Variants in DDHD1 observed in about 807,000 individuals in gnomAD.
DDHD1 encodes the protein phospholipase DDHD1.
A neutral mutation model predicts 96.4 loss-of-function variants in DDHD1; 49 were observed. That is an observed-to-expected ratio of 0.51 (90% confidence interval 0.40 to 0.64). DDHD1 has a LOEUF of 0.64. Ranked by LOEUF, DDHD1 falls within the 30% of genes least tolerant of loss-of-function variation. DDHD1 has a pLI of 0.00. For synonymous variants in DDHD1, 442 were observed against 446.5 expected, an observed-to-expected ratio of 0.99 and a Z score of 0.13; for missense variants, 1,106 against 1,161.2, an observed-to-expected ratio of 0.95 and a Z score of 0.69.
chr14:53,052,801 T>C (rs773944354), intron 11 of DDHD1: 1 of 151,952 alleles, frequency 6.6e-6, no homozygotes, highest in African/African-American at 2.4e-5. Context: ...TTGAGTCTTG[T>C]TGACTATTTT....
chr14:53,068,588 A>C (rs941826867), intron 6 of DDHD1, among the ~76,000 whole-genome samples: 2 of 152,046 alleles, frequency 1.3e-5, no homozygotes, highest in African/African-American at 4.8e-5. Context: ...TCTCATTGCT[A>C]CTTTTTATTA....
At chr14:53,100,735 T>C (rs1158983894) in intron 2 of DDHD1, among the ~76,000 whole-genome samples, 2 of 152,232 alleles carry the variant, frequency 1.3e-5, no homozygotes, top group Non-Finnish European at 2.9e-5. Flanking sequence ...ATTAGTTTCT[T>C]TGATATTCCC....
At chr14:53,126,344 A>G (rs1010190615) in intron 1 of DDHD1, among the ~76,000 whole-genome samples, 1 of 152,194 alleles carries the variant, frequency 6.6e-6, no homozygotes, top group Non-Finnish European at 1.5e-5. Context: ...TAATACATCT[A>G]AATGTAGTGT....
At chr14:53,087,667 T>C (rs1033188310) in intron 4 of DDHD1, among the ~76,000 whole-genome samples, 5 of 152,076 alleles carry the variant, frequency 3.3e-5, no homozygotes, top group Admixed American at 6.5e-5. Context: ...AAGCAGTGTA[T>C]AGAGGAAAAT....
intron 1 of DDHD1, among the ~76,000 whole-genome samples, chr14:53,108,666 G>C (rs1053313440): frequency 5.3e-5 from 8 of 152,224 alleles, no homozygotes; most frequent in African/African-American, 1.9e-4. Flanking sequence ...TGCAGAAAGC[G>C]AAACCACAGC....
At chr14:53,061,894 C>T (rs1360722238) in intron 7 of DDHD1, among the ~76,000 whole-genome samples, 2 of 151,856 alleles carry the variant, frequency 1.3e-5, no homozygotes, top group East Asian at 1.9e-4. Context: ...ATGAGCCGGG[C>T]GTGGTAGCAG....
chr14:53,127,816 T>C (rs1889564266), intron 1 of DDHD1, among the ~76,000 whole-genome samples: 1 of 152,194 alleles, frequency 6.6e-6, no homozygotes, highest in Admixed American at 6.5e-5. Flanking sequence ...TATGTGAAAA[T>C]AGATCCTTAA....
intron 1 of DDHD1, among the ~76,000 whole-genome samples, chr14:53,105,552 C>T (rs1252012739): frequency 6.6e-6 from 1 of 152,124 alleles, no homozygotes; most frequent in Non-Finnish European, 1.5e-5. Flanking sequence ...TATACTCTGT[C>T]ATACTGAATA....
intron 12 of DDHD1, among the ~76,000 whole-genome samples, chr14:53,051,418 C>T (rs898370450): frequency 8.6e-5 from 13 of 151,844 alleles, no homozygotes; most frequent in African/African-American, 1.2e-4. Flanking sequence ...TATGACATAC[C>T]TACAACCCTA....
chr14:53,150,851 G>T (rs1891294446), intron 1 of DDHD1, among the ~76,000 whole-genome samples: 1 of 152,092 alleles, frequency 6.6e-6, no homozygotes, highest in African/African-American at 2.4e-5. Flanking sequence ...AGAACTGAAT[G>T]AATATAAACA....
chr14:53,082,002 T>C (rs1240697690), intron 4 of DDHD1, among the ~76,000 whole-genome samples: 1 of 152,180 alleles, frequency 6.6e-6, no homozygotes, highest in Admixed American at 6.5e-5. Flanking sequence ...AAATTTGCCT[T>C]ACTAAAAACA....
Position 53,042,168 on chromosome 14 carries a change from A to G in DDHD1, c.*4600T>C, listed in dbSNP as rs1314683757. 6.6e-6 allele frequency: 1 copy of G among 152,196 alleles called. No homozygotes were observed. Among genetic ancestry groups the G allele is most frequent in the East Asian group, 1.9e-4 (1 of 5,198 alleles). 9.4% of individuals were successfully genotyped at this position (152,196 alleles called of 1,614,324 possible). ...ATGCCAAATTAAAAAATATGGTTAA[A>G]TAAATTTGGAGGCCCCCACGCAGCA... is the stretch of plus-strand genomic sequence containing the variant. On this transcript the variant is annotated 3_prime_UTR_variant, in exon 13 of 13. Coordinates refer to ENST00000673822, the MANE Select transcript of DDHD1 (RefSeq NM_001160148.2).
intron 1 of DDHD1, among the ~76,000 whole-genome samples, chr14:53,140,758 T>C (rs1377970519): frequency 1.3e-5 from 2 of 152,160 alleles, no homozygotes; most frequent in Non-Finnish European, 1.5e-5. Flanking sequence ...TCACACTAAA[T>C]GTAAATGGTC....
At chr14:53,122,861 CT>C (rs1889108155) in intron 1 of DDHD1, among the ~76,000 whole-genome samples, 1 of 152,008 alleles carries the variant, frequency 6.6e-6, no homozygotes, top group Non-Finnish European at 1.5e-5. Context: ...GCCACCGTGC[CT>C]GGCCAGTAAT....
intron 6 of DDHD1, among the ~76,000 whole-genome samples, chr14:53,070,114 A>T (rs1195166261): frequency 3.9e-5 from 6 of 152,140 alleles, no homozygotes; most frequent in Non-Finnish European, 8.8e-5. Context: ...CCAACCATAT[A>T]TATGCACATA....
At chr14:53,109,884 T>C (rs1487027616) in intron 1 of DDHD1, among the ~76,000 whole-genome samples, 2 of 152,208 alleles carry the variant, frequency 1.3e-5, no homozygotes, top group African/African-American at 2.4e-5. Context: ...ATACAACCTA[T>C]ACTCTCAAAT....
intron 1 of DDHD1, among the ~76,000 whole-genome samples, chr14:53,145,933 A>G (rs1359090958): frequency 6.6e-6 from 1 of 152,192 alleles, no homozygotes; most frequent in African/African-American, 2.4e-5. Context: ...TGGGCAGGGT[A>G]TGGTGGCTCA....
At chr14:53,094,843 CAAA>C (rs35080055) in intron 2 of DDHD1, among the ~76,000 whole-genome samples, 3 of 141,278 alleles carry the variant, frequency 2.1e-5, no homozygotes, top group African/African-American at 2.6e-5. Context: ...GATCCTGTCT[CAAA>C]AAAAAAAAAA....
At chr14:53,047,299 A>C (rs1036782918) in intron 12 of DDHD1, among the ~76,000 whole-genome samples, 2 of 152,236 alleles carry the variant, frequency 1.3e-5, no homozygotes, top group Non-Finnish European at 2.9e-5. Flanking sequence ...TAAAATAAGG[A>C]AAACACCCCT....
Sources: gnomAD v4.1 joint callset for allele counts (sites outside exome capture counted in the v4.1 genomes callset) on GRCh38, gnomAD v4.1.1 for gene constraint, MANE v1.5 for transcripts, NCBI Gene and HGNC (gene_info 2026-07-23, HGNC 2026-07-21) for gene names.